The following AP1G1 variants were observed in gnomAD, a reference collection of about 807,000 sequenced individuals.
AP1G1 encodes the protein adaptor related protein complex 1 subunit gamma 1.
AP1G1 carries 7 observed loss-of-function variants against 108.3 expected under a neutral mutation model. That is an observed-to-expected ratio of 0.06 (90% CI 0.04 to 0.12). The LOEUF is 0.12. Ranked by LOEUF, AP1G1 falls within the 10% of genes least tolerant of loss-of-function variation. The probability of loss-of-function intolerance (pLI) is 1.00; values close to 1 mark genes in which losing one functional copy is unlikely to be tolerated. For missense variants in AP1G1, 756 were observed against 1,010.7 expected, an observed-to-expected ratio of 0.75 and a Z score of 3.42; for synonymous variants, 379 against 353.5, an observed-to-expected ratio of 1.07 and a Z score of -0.81.
At chr16:71,785,624 C>A (rs935762706) in intron 2 of AP1G1, among the ~76,000 whole-genome samples, 1 of 150,834 alleles carries the variant, frequency 6.6e-6, no homozygotes, top group Non-Finnish European at 1.5e-5. Flanking sequence ...GTGGCTCACG[C>A]CTGTAATCCC....
intron 1 of AP1G1, among the ~76,000 whole-genome samples, chr16:71,804,510 C>T (rs565949550): frequency 1.3e-5 from 2 of 150,844 alleles, no homozygotes; most frequent in African/African-American, 4.9e-5. Flanking sequence ...CCTGTTCAAG[C>T]AATCCTCCCA....
At position 71,745,614 on chromosome 16, in the gene AP1G1, C is replaced by T; in HGVS notation, c.1731G>A (p.Arg577=). ...CAGGCATTCTCTCAAGTAGGGCAGA[C>T]CTAGAAGAATCTGAAGTGGTTAAAT... ...NALFKKYDHM[R]SALLERMPVM... The change falls in exon 18 of 23, where the codon AGG becomes AGA. Residue 577 remains arginine, a splice_region_variant and synonymous_variant. Coordinates refer to ENST00000299980, the MANE Select transcript of AP1G1 (RefSeq NM_001128.6). The T allele has an allele frequency of 1.2e-6, 2 of 1,613,838 alleles. No individual in the cohort carries two copies. Among genetic ancestry groups the T allele is most frequent in the Non-Finnish European group, 1.7e-6 (2 of 1,179,762 alleles).
intron 21 of AP1G1, among the ~76,000 whole-genome samples, chr16:71,737,358 A>G (rs1186735026): frequency 1.3e-5 from 2 of 152,122 alleles, no homozygotes; most frequent in African/African-American, 4.8e-5. Context: ...ATCTTGGCTA[A>G]CTGCAACTTC....
At chr16:71,805,308 C>T (rs2032960310) in intron 1 of AP1G1, among the ~76,000 whole-genome samples, 1 of 151,970 alleles carries the variant, frequency 6.6e-6, no homozygotes, top group Non-Finnish European at 1.5e-5. Context: ...ATTAGCTGGG[C>T]ATGGTGGCGC....
At chr16:71,770,555 G>C (rs561242741) in intron 5 of AP1G1, among the ~76,000 whole-genome samples, 1 of 152,342 alleles carries the variant, frequency 6.6e-6, no homozygotes, top group African/African-American at 2.4e-5. Flanking sequence ...TTGGCTCATT[G>C]CAACTTCTGC....
chr16:71,730,363 G>A lies in AP1G1; in HGVS notation c.*2695C>T, dbSNP rs1278367257. 4 of 152,246 alleles carry A rather than the reference G, an allele frequency of 2.6e-5. No homozygotes were observed. Among genetic ancestry groups the A allele is most frequent in the African/African-American group, 4.8e-5 (2 of 41,416 alleles). 9.4% of individuals were successfully genotyped at this position (152,246 alleles called of 1,614,324 possible). ...TGAAGAGGGAAATAATGAAGTACAA[G>A]TGCATGTGAAATTGTCAAAGTAAGT... On this transcript the variant is annotated 3_prime_UTR_variant, in exon 23 of 23. Coordinates refer to ENST00000299980, the MANE Select transcript of AP1G1 (RefSeq NM_001128.6).
chr16:71,741,103 T>C (rs1441210949), intron 19 of AP1G1, among the ~76,000 whole-genome samples: 1 of 152,152 alleles, frequency 6.6e-6, no homozygotes, highest in African/African-American at 2.4e-5. Context: ...CATAAGGAAA[T>C]TCAGTAAAAT....
intron 19 of AP1G1, among the ~76,000 whole-genome samples, chr16:71,744,738 G>C (rs1221285204): frequency 1.3e-5 from 2 of 151,880 alleles, no homozygotes; most frequent in African/African-American, 4.8e-5. Flanking sequence ...ACTTCACCCG[G>C]CTAATTGTTG....
rs1025775066 is a variant in AP1G1, at chr16:71,731,307, G to A, written c.*1751C>T. On this transcript the variant is annotated 3_prime_UTR_variant, in exon 23 of 23. Transcript: ENST00000299980. ...CACTAGTAAGACCAGAAACTTTCCC[G>A]TGGAGCCTTTAGTTCAACTCCAGTT... The A allele has an allele frequency of 4.6e-5, 7 of 152,584 alleles. No homozygotes were observed. The highest frequency in any genetic ancestry group is 1.2e-4 in the African/African-American group (5 of 41,428). The allele number at this position is 152,584 out of a possible 1,614,324, so 9.5% of individuals were successfully genotyped here.
chr16:71,759,448 G>A (rs1293316544), intron 10 of AP1G1, among the ~76,000 whole-genome samples: 4 of 151,474 alleles, frequency 2.6e-5, no homozygotes, highest in Admixed American at 1.3e-4. Flanking sequence ...GTGACAGAGC[G>A]AGACTCTGTC....
rs557453894 is a variant in AP1G1, at chr16:71,793,565, C to A, written c.-3-4083G>T. On this transcript the variant is annotated intron_variant, in intron 1 of 22. Transcript: ENST00000299980. ...AATAAAAACCTATATACAGCAGAAACAAGCATTTTTAAAACAGTCTGGAGC... is the reference window on the plus strand; with the variant it reads ...AATAAAAACCTATATACAGCAGAAAAAAGCATTTTTAAAACAGTCTGGAGC... Among the ~76,000 whole-genome samples the A allele has an allele frequency of 4.6e-5, 7 of 152,304 alleles. No individual in the cohort carries two copies. In the South Asian group the frequency reaches 1.0e-3, roughly 23 times the overall value.
At chr16:71,808,643 C>T (rs1362919284) in intron 1 of AP1G1, 120 bp downstream of exon 1, 9 of 1,289,782 alleles carry the variant, frequency 7.0e-6, no homozygotes, top group Admixed American at 2.3e-5. Context: ...GTCTTCTCTT[C>T]TCAACACCCA....
intron 12 of AP1G1, among the ~76,000 whole-genome samples, chr16:71,754,795 G>A (rs956100695): frequency 8.6e-5 from 13 of 150,382 alleles, no homozygotes; most frequent in Non-Finnish European, 1.8e-4. Flanking sequence ...GCAAGACTCC[G>A]TTTCTAAAAT....
At chr16:71,763,130 G>A (rs1567650187) in intron 9 of AP1G1, among the ~76,000 whole-genome samples, 1 of 152,230 alleles carries the variant, frequency 6.6e-6, no homozygotes, top group Admixed American at 6.5e-5. Context: ...GGAGGCTGAG[G>A]TGGAAAGATT....
chr16:71,739,489 A>G (rs2045590849), intron 19 of AP1G1, 148 bp from the exon 20 acceptor site: 2 of 610,420 alleles, frequency 3.3e-6, no homozygotes, highest in Non-Finnish European at 5.5e-6. Flanking sequence ...AGAAAGAACT[A>G]AAAACTCAAG....
chr16:71,739,417 A>G (rs2045589787), intron 19 of AP1G1, 76 bp from the exon 20 acceptor site: 2 of 1,183,832 alleles, frequency 1.7e-6, no homozygotes, highest in African/African-American at 3.1e-5. Context: ...AGGGAAAATT[A>G]TTTCGGTCTC....
intron 5 of AP1G1, among the ~76,000 whole-genome samples, chr16:71,769,928 T>C (rs2031504109): frequency 1.3e-5 from 2 of 152,184 alleles, no homozygotes; most frequent in Admixed American, 6.5e-5. Flanking sequence ...AATTATGTGA[T>C]CAAAATAATT....
chr16:71,730,079 G>GA lies in AP1G1; in HGVS notation c.*2978dup, dbSNP rs954760142. 3.9e-5 allele frequency: 6 copies of GA among 152,556 alleles called. No individual in the cohort carries two copies. Among genetic ancestry groups the GA allele is most frequent in the African/African-American group, 1.4e-4 (6 of 41,450 alleles). The allele number at this position is 152,556 out of a possible 1,614,324, so 9.5% of individuals were successfully genotyped here. A position where few individuals can be genotyped will look rare whatever the true frequency, so the allele number is the denominator to read the frequency against. On this transcript the variant is annotated 3_prime_UTR_variant, in exon 23 of 23. Transcript: ENST00000299980. ...AATCACACCTTTAAACTAGCAAGAG[G>GA]AAAGAATCCCCTCCCAAATGTTACA...
chr16:71,803,148 A>G (rs982668059), intron 1 of AP1G1, among the ~76,000 whole-genome samples: 5 of 151,964 alleles, frequency 3.3e-5, no homozygotes, highest in Admixed American at 3.3e-4. Context: ...CAGGAGGTAG[A>G]GGCTGTAGTA....
Sources: gnomAD v4.1 joint callset for allele counts (sites outside exome capture counted in the v4.1 genomes callset) on GRCh38, gnomAD v4.1.1 for gene constraint, MANE v1.5 for transcripts, NCBI Gene and HGNC (gene_info 2026-07-23, HGNC 2026-07-21) for gene names.